The following PDZD2 variants were observed in gnomAD, a reference collection of about 807,000 sequenced individuals.
PDZD2 encodes the protein PDZ domain containing 2, also known as PDZ domain-containing protein 2.
Under a neutral mutation model 220.7 loss-of-function variants are expected in PDZD2, and 90 were observed. The observed-to-expected ratio is 0.41, with a 90% CI of 0.34 to 0.49. The LOEUF (loss-of-function observed/expected upper bound fraction) is 0.49, where lower values mean the gene tolerates loss of function less well. Among genes scored for constraint, PDZD2 ranks in the 20% least tolerant of loss-of-function variants. PDZD2 has a pLI of 0.28. For missense variants in PDZD2, 3,174 were observed against 3,608.5 expected (o/e 0.88, Z 3.08); for synonymous variants, 1,375 against 1,450.5 (o/e 0.95, Z 1.18).
intron 2 of PDZD2, among the ~76,000 whole-genome samples, chr5:31,942,638 C>T (rs1421199872): frequency 6.6e-6 from 1 of 152,220 alleles, no homozygotes; most frequent in Non-Finnish European, 1.5e-5. Flanking sequence ...CCCGGCCAAA[C>T]AAAACTCTTT....
At chr5:31,716,867 C>G (rs984195890) in intron 1 of PDZD2, among the ~76,000 whole-genome samples, 4 of 152,116 alleles carry the variant, frequency 2.6e-5, no homozygotes, top group African/African-American at 9.7e-5. Context: ...GGTGCAGGGG[C>G]TGTCCCTAGT....
At chr5:31,833,818 G>A (rs1756781334) in intron 2 of PDZD2, among the ~76,000 whole-genome samples, 1 of 152,200 alleles carries the variant, frequency 6.6e-6, no homozygotes, top group South Asian at 2.1e-4. Context: ...GACCTTGAGA[G>A]CAGCAGTGAC....
At chr5:31,704,543 A>C (rs188019679) in intron 1 of PDZD2, among the ~76,000 whole-genome samples, 1 of 152,352 alleles carries the variant, frequency 6.6e-6, no homozygotes, top group Non-Finnish European at 1.5e-5. Context: ...CAGTTGACTT[A>C]ACTAGTGCTC....
chr5:31,818,145 GT>G (rs999767352), intron 2 of PDZD2, among the ~76,000 whole-genome samples: 2 of 149,952 alleles, frequency 1.3e-5, no homozygotes, highest in Admixed American at 6.7e-5. Context: ...AATGTTTTGT[GT>G]TTTTTTTTAG....
intron 1 of PDZD2, among the ~76,000 whole-genome samples, chr5:31,669,640 C>T (rs186528091): frequency 6.6e-6 from 1 of 152,090 alleles, no homozygotes; most frequent in African/African-American, 2.4e-5. Flanking sequence ...AATGGCTTTC[C>T]AAAGTTCACA....
intron 6 of PDZD2, among the ~76,000 whole-genome samples, chr5:32,017,513 C>T (rs550421226): frequency 6.6e-6 from 1 of 152,134 alleles, no homozygotes; most frequent in Non-Finnish European, 1.5e-5. Flanking sequence ...TTTCTGTCCC[C>T]AAATGAGAGA....
chr5:31,639,297 C>G lies in PDZD2; in HGVS notation c.-501C>G, dbSNP rs910037696. The G allele has an allele frequency of 1.3e-5, 2 of 150,062 alleles. No homozygotes were observed. Among genetic ancestry groups the G allele is most frequent in the Non-Finnish European group, 3.0e-5 (2 of 67,278 alleles). The allele number at this position is 150,062 out of a possible 1,614,324, so 9.3% of individuals were successfully genotyped here. ...GCGCCTCCCGCGGCTGCCGGCGAAC[C>G]GCGGCTCTGCAGCTCGGGGCAGGCG... On this transcript the variant is annotated 5_prime_UTR_variant, in exon 1 of 25. Coordinates refer to ENST00000438447, the MANE Select transcript of PDZD2 (RefSeq NM_178140.4). The surrounding 1 kb of genome is among the most constrained non-coding windows in gnomAD (Gnocchi z 4.1).
intron 2 of PDZD2, among the ~76,000 whole-genome samples, chr5:31,878,363 A>T (rs1012251193): frequency 2.6e-5 from 4 of 151,990 alleles, no homozygotes; most frequent in African/African-American, 9.7e-5. Flanking sequence ...CTATTTTACT[A>T]GAATGTGCCT....
At chr5:31,655,459 C>A (rs1323001920) in intron 1 of PDZD2, among the ~76,000 whole-genome samples, 2 of 152,206 alleles carry the variant, frequency 1.3e-5, no homozygotes, top group Non-Finnish European at 2.9e-5. Flanking sequence ...GCACGAGCCA[C>A]TGCGCCCGGC....
In PDZD2 at chr5:32,071,260, C is replaced by T. The variant is rs146874202; in HGVS notation, c.2534-124C>T. 5,867 of 762,008 alleles carry T rather than the reference C, an allele frequency of 7.7e-3. 47 individuals are homozygous for T. The highest frequency in any genetic ancestry group is 0.034 in the Middle Eastern group (147 of 4,290). The allele number at this position is 762,008 out of a possible 1,614,324, so 47.2% of individuals were successfully genotyped here. ...CACGTCTAACCCTGTGCATGCAGCCCGTCATCAAGCAAAGGGAGTTTTGTT... is the reference window on the plus strand; with the variant it reads ...CACGTCTAACCCTGTGCATGCAGCCTGTCATCAAGCAAAGGGAGTTTTGTT... On this transcript the variant is annotated intron_variant, in intron 15 of 24. Transcript: ENST00000438447.
chr5:32,047,160 G>A (rs1053958646), intron 7 of PDZD2, among the ~76,000 whole-genome samples: 3 of 152,086 alleles, frequency 2.0e-5, no homozygotes, highest in South Asian at 2.1e-4. Flanking sequence ...ACAACTTTAC[G>A]AAAGGAACAC....
chr5:32,035,837 T>TTGAG (rs753906370), intron 6 of PDZD2, among the ~76,000 whole-genome samples: 1 of 152,242 alleles, frequency 6.6e-6, no homozygotes, highest in Admixed American at 6.5e-5. Context: ...TTCCTGCCAG[T>TTGAG]TGAGTTTAAC....
chr5:32,108,010 G>T lies in PDZD2; in HGVS notation c.8395G>T (p.Glu2799Ter). Residue 2799 changes from glutamate (E) to a stop codon, truncating the protein, a stop_gained, in exon 25 of 25, where the codon GAA (glutamate) becomes TAA (stop). Coordinates refer to ENST00000438447, the MANE Select transcript of PDZD2 (RefSeq NM_178140.4). LOFTEE classifies it high-confidence loss of function. Reference protein sequence around the residue: ...EQAGIIEAGDEILAINGKPLV... With the variant: ...EQAGIIEAGD ...AGCTGGAATAATAGAAGCTGGAGATGAAATTCTTGCTATTAATGGGAAACC... is the reference window on the plus strand; with the variant it reads ...AGCTGGAATAATAGAAGCTGGAGATTAAATTCTTGCTATTAATGGGAAACC... 2 of 1,613,144 alleles carry T rather than the reference G, an allele frequency of 1.2e-6. No individual in the cohort carries two copies. The highest frequency in any genetic ancestry group is 1.7e-5 in the Admixed American group (1 of 60,010).
intron 22 of PDZD2, among the ~76,000 whole-genome samples, chr5:32,097,922 G>GTT (rs923329393): frequency 1.3e-5 from 2 of 151,658 alleles, no homozygotes; most frequent in African/African-American, 4.8e-5. Context: ...CTGAATGTAT[G>GTT]TTTTTTTTTA....
At chr5:31,946,848 A>C (rs933163622) in intron 2 of PDZD2, among the ~76,000 whole-genome samples, 2 of 152,204 alleles carry the variant, frequency 1.3e-5, no homozygotes, top group Non-Finnish European at 2.9e-5. Flanking sequence ...GTACAGATAC[A>C]CACCACCACT....
At chr5:31,900,379 G>A (rs996589325) in intron 2 of PDZD2, among the ~76,000 whole-genome samples, 1 of 152,220 alleles carries the variant, frequency 6.6e-6, no homozygotes, top group Admixed American at 6.5e-5. Context: ...AGACCAAATT[G>A]TGAAGAGCTC....
In PDZD2 at chr5:31,910,729, C is replaced by T. The variant is rs1160573204; in HGVS notation, c.477-72426C>T. Among the ~76,000 whole-genome samples, 16 of 151,594 alleles carry T rather than the reference C, an allele frequency of 1.1e-4. 1 individual carries two copies. Among genetic ancestry groups the T allele is most frequent in the Admixed American group, 1.1e-3 (16 of 15,194 alleles). Reference sequence around the variant, plus strand: ...ATTTTTAGTAGAGACAGGGTTTCACCATGTTGGCCAGGCTGGTCTCGAACT... The same window carrying T: ...ATTTTTAGTAGAGACAGGGTTTCACTATGTTGGCCAGGCTGGTCTCGAACT... On this transcript the variant is annotated intron_variant, in intron 2 of 24. Coordinates refer to ENST00000438447, the MANE Select transcript of PDZD2 (RefSeq NM_178140.4).
At chr5:31,669,308 A>G (rs1364795859) in intron 1 of PDZD2, among the ~76,000 whole-genome samples, 2 of 151,122 alleles carry the variant, frequency 1.3e-5, no homozygotes, top group African/African-American at 4.9e-5. Flanking sequence ...AGGCTGAGGC[A>G]GGAGGATCAC....
At position 31,887,583 on chromosome 5, in the gene PDZD2, C is replaced by T. The variant is rs1164990521; in HGVS notation, c.476+87859C>T. 2.0e-5 allele frequency among the ~76,000 whole-genome samples: 3 copies of T among 152,136 alleles called. No homozygotes were observed. The East Asian group carries it at 5.8e-4, about 29-fold the overall frequency. On this transcript the variant is annotated intron_variant, in intron 2 of 24. Coordinates refer to ENST00000438447, the MANE Select transcript of PDZD2 (RefSeq NM_178140.4). ...AGAGAAGTGCCATTCCTGAGATCTG[C>T]AGAGTCTGCTTCTCTCCTCTCACTG...
Sources: allele counts gnomAD v4.1 joint callset (sites outside exome capture counted in the v4.1 genomes callset), GRCh38; gene constraint gnomAD v4.1.1; non-coding constraint Gnocchi (gnomAD v3.1); transcripts MANE v1.5; gene names NCBI Gene and HGNC (gene_info 2026-07-23, HGNC 2026-07-21).